ST6GAL1: variants seen among roughly 807,000 people sequenced by gnomAD.
The protein encoded by ST6GAL1 is ST6 beta-galactoside alpha-2,6-sialyltransferase 1.
In ST6GAL1, 20 loss-of-function variants were observed where a neutral mutation model predicts 38.0. That is an observed-to-expected ratio of 0.53 (90% CI 0.37 to 0.77). The LOEUF is 0.77. Among genes scored for constraint, ST6GAL1 ranks in the 30% least tolerant of loss-of-function variants. The pLI is 0.00. For synonymous variants in ST6GAL1, 196 were observed against 188.2 expected (o/e 1.04, Z -0.34); for missense variants, 432 against 496.4 (o/e 0.87, Z 1.23).
chr3:187,074,837 T>C (rs543664484), intron 7 of ST6GAL1, among the ~76,000 whole-genome samples: 1 of 152,192 alleles, frequency 6.6e-6, no homozygotes, highest in East Asian at 1.9e-4. Flanking sequence ...AACTCAGTCA[T>C]CAAGATAAAT....
intron 2 of ST6GAL1, among the ~76,000 whole-genome samples, chr3:186,998,908 C>T (rs993355339): frequency 1.3e-5 from 2 of 152,178 alleles, no homozygotes; most frequent in Non-Finnish European, 2.9e-5. Context: ...AAGTTTATTA[C>T]AGAACTATCT....
chr3:186,983,271 TA>T (rs1306648020), intron 2 of ST6GAL1, among the ~76,000 whole-genome samples: 1 of 152,202 alleles, frequency 6.6e-6, no homozygotes, highest in Non-Finnish European at 1.5e-5. Context: ...TTGAAATGCT[TA>T]CGGTTTTAAG....
intron 2 of ST6GAL1, among the ~76,000 whole-genome samples, chr3:186,983,909 C>A (rs1715776009): frequency 6.6e-6 from 1 of 152,134 alleles, no homozygotes; most frequent in Non-Finnish European, 1.5e-5. Flanking sequence ...TGATAACTCC[C>A]AAATATGGAT....
Position 187,075,486 on chromosome 3 carries a change from G to T in ST6GAL1, c.980-76G>T. On this transcript the variant is annotated intron_variant, in intron 7 of 7. Coordinates refer to ENST00000169298, the MANE Select transcript of ST6GAL1 (RefSeq NM_173216.2). The surrounding 1 kb of genome is among the most constrained non-coding windows in gnomAD (Gnocchi z 4.1). ...CTCTCCAAATTTGGGGTCATGAGCT[G>T]CTGAACCCACTGGGCAGAGCTCTGG... 6.3e-7 allele frequency: 1 copy of T among 1,575,090 alleles called. No homozygotes were observed. The highest frequency in any genetic ancestry group is 8.6e-7 in the Non-Finnish European group (1 of 1,157,276).
chr3:186,955,796 C>T (rs905125197), intron 1 of ST6GAL1, among the ~76,000 whole-genome samples: 36 of 152,138 alleles, frequency 2.4e-4, no homozygotes, highest in East Asian at 1.9e-4. Flanking sequence ...CCACCATGCC[C>T]GGCCTGTGTC....
intron 1 of ST6GAL1, among the ~76,000 whole-genome samples, chr3:186,934,053 TGAG>T (rs1233140169): frequency 2.0e-5 from 3 of 152,216 alleles, no homozygotes; most frequent in Non-Finnish European, 4.4e-5. Flanking sequence ...CAAGAGGCAG[TGAG>T]AAGACAGAAG....
chr3:187,013,239 C>T (rs376141506), intron 2 of ST6GAL1, among the ~76,000 whole-genome samples: 1 of 152,184 alleles, frequency 6.6e-6, no homozygotes, highest in South Asian at 2.1e-4. Flanking sequence ...TCTGGAGAGA[C>T]TTAAAATAAC....
At chr3:187,023,559 A>AAAATGATGAGTTCACGT (rs1311160367) in intron 2 of ST6GAL1, among the ~76,000 whole-genome samples, 1 of 152,242 alleles carries the variant, frequency 6.6e-6, no homozygotes, top group Admixed American at 6.5e-5. Flanking sequence ...GCAGCCATGA[A>AAAATGATGAGTTCACGT]AAATGATGAG....
At chr3:186,957,450 TAAAAG>T (rs1300003559) in intron 1 of ST6GAL1, among the ~76,000 whole-genome samples, 1 of 151,528 alleles carries the variant, frequency 6.6e-6, no homozygotes, top group Non-Finnish European at 1.5e-5. Flanking sequence ...CCCTCCCGCC[TAAAAG>T]AAAAGAAAAG....
At chr3:186,939,836 C>G (rs1285091430) in intron 1 of ST6GAL1, among the ~76,000 whole-genome samples, 1 of 152,176 alleles carries the variant, frequency 6.6e-6, no homozygotes, top group Non-Finnish European at 1.5e-5. Flanking sequence ...TTAGTTAGCC[C>G]CTTCCCTCTG....
intron 5 of ST6GAL1, among the ~76,000 whole-genome samples, chr3:187,069,627 A>G (rs1340551732): frequency 2.0e-4 from 30 of 152,126 alleles, no homozygotes; most frequent in African/African-American, 2.4e-5. Context: ...TTTTTTCTAA[A>G]AACACTAATT....
At chr3:186,998,805 C>T (rs1028565425) in intron 2 of ST6GAL1, among the ~76,000 whole-genome samples, 1 of 152,240 alleles carries the variant, frequency 6.6e-6, no homozygotes, top group African/African-American at 2.4e-5. Flanking sequence ...TCTCATCTGG[C>T]CTAGCCACAT....
intron 1 of ST6GAL1, among the ~76,000 whole-genome samples, chr3:186,944,805 C>T (rs13080971): frequency 0.11 from 15,982 of 152,174 alleles, 945 homozygotes; most frequent in Non-Finnish European, 0.13. Context: ...CGGAGGCACT[C>T]GTCGCTTTTG....
At chr3:187,027,708 T>G (rs1017329353) in intron 2 of ST6GAL1, among the ~76,000 whole-genome samples, 1 of 151,898 alleles carries the variant, frequency 6.6e-6, no homozygotes, top group Non-Finnish European at 1.5e-5. Context: ...AACAAACAGG[T>G]ATTGAGCTCA....
At chr3:186,996,015 A>G (rs1716393088) in intron 2 of ST6GAL1, among the ~76,000 whole-genome samples, 1 of 152,192 alleles carries the variant, frequency 6.6e-6, no homozygotes, top group Admixed American at 6.5e-5. Flanking sequence ...GTTTACTCCC[A>G]TCGCATGTAC....
chr3:187,071,117 T>C (rs749759686), intron 5 of ST6GAL1, among the ~76,000 whole-genome samples: 2 of 152,114 alleles, frequency 1.3e-5, no homozygotes, highest in African/African-American at 2.4e-5. Context: ...TGCAGTGACA[T>C]TGATTAGGTC....
At chr3:187,038,286 A>G (rs1579346758) in intron 2 of ST6GAL1, 1 of 148,604 alleles carries the variant, frequency 6.7e-6, no homozygotes, top group Non-Finnish European at 1.5e-5. Context: ...GCTCACTGCA[A>G]CCTCCGCCTC....
At chr3:187,055,048 T>A (rs1213287564) in intron 5 of ST6GAL1, among the ~76,000 whole-genome samples, 1 of 152,174 alleles carries the variant, frequency 6.6e-6, no homozygotes, top group Admixed American at 6.5e-5. Context: ...GTCCAGGAAT[T>A]TATCCATTTC....
At chr3:187,011,575 C>A (rs1204967371) in intron 2 of ST6GAL1, among the ~76,000 whole-genome samples, 1 of 152,172 alleles carries the variant, frequency 6.6e-6, no homozygotes, top group East Asian at 1.9e-4. Context: ...GTGAAACAAC[C>A]TCCTGCTCTT....
Sources: allele counts gnomAD v4.1 joint callset (sites outside exome capture counted in the v4.1 genomes callset), GRCh38; gene constraint gnomAD v4.1.1; non-coding constraint Gnocchi (gnomAD v3.1); transcripts MANE v1.5; gene names NCBI Gene and HGNC (gene_info 2026-07-23, HGNC 2026-07-21).